DAB1: variants seen among roughly 807,000 people sequenced by gnomAD.
DAB1 encodes disabled homolog 1.
Under a neutral mutation model 64.6 loss-of-function variants are expected in DAB1, and 15 were observed. The observed-to-expected ratio is 0.23, with a 90% CI of 0.16 to 0.36. DAB1 has a LOEUF of 0.36. Among genes scored for constraint, DAB1 ranks in the 10% least tolerant of loss-of-function variants. The pLI is 1.00. For synonymous variants in DAB1, 235 were observed against 251.9 expected (o/e 0.93, Z 0.64); for missense variants, 596 against 706.7 (o/e 0.84, Z 1.78).
intron 6 of DAB1, among the ~76,000 whole-genome samples, chr1:57,759,748 C>T (rs1375892348): frequency 6.6e-6 from 1 of 152,038 alleles, no homozygotes; most frequent in Non-Finnish European, 1.5e-5. Context: ...GTTAAGAAAC[C>T]AGTTAGGAGC....
At chr1:57,940,500 A>G (rs745717038) in intron 5 of DAB1, among the ~76,000 whole-genome samples, 13 of 152,204 alleles carry the variant, frequency 8.5e-5, no homozygotes, top group Non-Finnish European at 1.6e-4. Flanking sequence ...GGCAGACTAG[A>G]GGATAAGAAC....
chr1:58,007,006 A>T (rs1054160496), intron 5 of DAB1, among the ~76,000 whole-genome samples: 1 of 152,188 alleles, frequency 6.6e-6, no homozygotes, highest in Non-Finnish European at 1.5e-5. Flanking sequence ...CTCATTCTAC[A>T]TCTCAGTGAG....
intron 7 of DAB1, among the ~76,000 whole-genome samples, chr1:57,558,886 G>C (rs538394422): frequency 6.6e-6 from 1 of 152,230 alleles, no homozygotes; most frequent in African/African-American, 2.4e-5. Flanking sequence ...CAGCTGGGAG[G>C]GTCCAGAAGA....
At chr1:57,525,397 G>A (rs1644578621) in intron 7 of DAB1, among the ~76,000 whole-genome samples, 1 of 151,798 alleles carries the variant, frequency 6.6e-6, no homozygotes, top group Non-Finnish European at 1.5e-5. Flanking sequence ...ATCTGTTGAA[G>A]TATTTGAAAA....
At chr1:58,335,721 T>C (rs1214843416) in intron 4 of DAB1, among the ~76,000 whole-genome samples, 1 of 152,160 alleles carries the variant, frequency 6.6e-6, no homozygotes, top group East Asian at 1.9e-4. Flanking sequence ...AGGGTAAAGC[T>C]GTCGATTCTT....
rs974913375 is a variant in DAB1 at position 57,974,119 on chromosome 1, C to A, written n.388-89957G>T. Among the ~76,000 whole-genome samples the A allele has an allele frequency of 3.9e-5, 6 of 152,096 alleles. No homozygotes were observed. In the South Asian group the frequency reaches 1.2e-3, roughly 32 times the overall value. The stretch of plus-strand genomic sequence containing the variant: ...CGCCAAGCTCATTTCTGTCTCAGGG[C>A]AATTATGTTTGCTGTCCTCACAACC... On this transcript the variant is annotated intron_variant and non_coding_transcript_variant, in intron 5 of 20. Coordinates refer to the DAB1 transcript ENST00000485760.
intron 7 of DAB1, among the ~76,000 whole-genome samples, chr1:57,606,426 A>ATG (rs1391479566): frequency 5.4e-5 from 7 of 130,050 alleles, no homozygotes; most frequent in African/African-American, 1.1e-4. Flanking sequence ...TATATTTCAT[A>ATG]TATAAAATAT....
At chr1:58,325,071 C>T (rs191819136) in intron 4 of DAB1, among the ~76,000 whole-genome samples, 50 of 152,302 alleles carry the variant, frequency 3.3e-4, no homozygotes, top group Admixed American at 1.5e-3. Flanking sequence ...ATATGAGAGA[C>T]AGTCAGATAT....
At chr1:57,197,883 A>C (rs1332241675) in intron 2 of DAB1, among the ~76,000 whole-genome samples, 1 of 152,242 alleles carries the variant, frequency 6.6e-6, no homozygotes, top group Non-Finnish European at 1.5e-5. Context: ...GGAAGGCAAT[A>C]AAGTAGATTA....
intron 1 of DAB1, among the ~76,000 whole-genome samples, chr1:57,837,448 A>G (rs1027912771): frequency 6.6e-6 from 1 of 152,046 alleles, no homozygotes; most frequent in African/African-American, 2.4e-5. Flanking sequence ...TTTGCTCCAA[A>G]TCATATCTGA....
intron 9 of DAB1, among the ~76,000 whole-genome samples, chr1:57,048,368 A>G (rs1313373516): frequency 1.3e-5 from 2 of 152,222 alleles, no homozygotes; most frequent in African/African-American, 4.8e-5. Context: ...TAAAAATCCA[A>G]AAGATAAAGC....
chr1:58,380,729 CA>C (rs1644379780), intron 3 of DAB1, among the ~76,000 whole-genome samples: 1 of 152,092 alleles, frequency 6.6e-6, no homozygotes, highest in Non-Finnish European at 1.5e-5. Flanking sequence ...GAAGGAAGTA[CA>C]AGGTTCTGAA....
intron 1 of DAB1, among the ~76,000 whole-genome samples, chr1:57,365,822 G>T (rs534390064): frequency 1.2e-4 from 18 of 152,292 alleles, no homozygotes; most frequent in Non-Finnish European, 1.8e-4. Flanking sequence ...AGAAGTAGAT[G>T]ATCTGACCCT....
chr1:57,688,133 C>T (rs763853770), intron 6 of DAB1, among the ~76,000 whole-genome samples: 5 of 152,046 alleles, frequency 3.3e-5, no homozygotes, highest in Non-Finnish European at 7.4e-5. Context: ...AGACAACCAA[C>T]AGAATGGGAG....
intron 2 of DAB1, among the ~76,000 whole-genome samples, chr1:58,511,426 T>C (rs919910418): frequency 6.6e-6 from 1 of 151,978 alleles, no homozygotes; most frequent in South Asian, 2.1e-4. Flanking sequence ...GGCACATGGA[T>C]TGCTTGAGAC....
intron 1 of DAB1, among the ~76,000 whole-genome samples, chr1:57,883,214 G>A (rs182854549): frequency 2.9e-4 from 44 of 152,202 alleles, no homozygotes; most frequent in Non-Finnish European, 4.7e-4. Flanking sequence ...AACAAGAACC[G>A]CCAACACATT....
intron 7 of DAB1, among the ~76,000 whole-genome samples, chr1:57,446,340 G>A (rs187011000): frequency 1.5e-4 from 23 of 152,226 alleles, no homozygotes; most frequent in African/African-American, 5.3e-4. Flanking sequence ...GCTCATGCCT[G>A]TAATCCCAGC....
chr1:57,173,432 T>C (rs778154160), intron 2 of DAB1, among the ~76,000 whole-genome samples: 1 of 152,188 alleles, frequency 6.6e-6, no homozygotes, highest in African/African-American at 2.4e-5. Flanking sequence ...AATATTATCC[T>C]CAGGCTATGT....
rs371998081 is a variant in DAB1 at position 57,071,043 on chromosome 1, C to T, written c.577G>A (p.Val193Ile). ...ATTACCTGGTACACAGGATCTTCAA[C>T]ATCCTCTTCCAATATTGTCTATTGC... ...AVYQTILEED[V>I]EDPVYQYIVF... The change falls in exon 7 of 15, where the codon GTT becomes ATT. Residue 193 changes from valine to isoleucine, a missense_variant. Physicochemically the swap from Val to Ile is conservative, Grantham distance 29 (BLOSUM62 3). This residue lies in a region of DAB1 where 176 missense variants were observed against 266.7 expected (regional missense o/e 0.66). Transcript: ENST00000371236. The T allele has an allele frequency of 2.3e-4, 378 of 1,613,026 alleles. No homozygotes were observed. The highest frequency in any genetic ancestry group is 3.1e-4 in the Non-Finnish European group (363 of 1,179,178).
Sources: gnomAD v4.1 joint callset for allele counts (sites outside exome capture counted in the v4.1 genomes callset) on GRCh38, gnomAD v4.1.1 for gene constraint, gnomAD v4.1.1 regional missense constraint, MANE v1.5 for transcripts, NCBI Gene and HGNC (gene_info 2026-07-23, HGNC 2026-07-21) for gene names.